Variants in CSMD1 observed in about 807,000 individuals in gnomAD.
CSMD1 encodes CUB and sushi domain-containing protein 1.
A neutral mutation model predicts 417.5 loss-of-function variants in CSMD1; 213 were observed. The ratio of observed to expected loss-of-function variants is 0.51; its 90% CI spans 0.46 to 0.57. The LOEUF (loss-of-function observed/expected upper bound fraction) is 0.57. Among genes scored for constraint, CSMD1 ranks in the 20% least tolerant of loss-of-function variants. The pLI, the probability that CSMD1 is intolerant of heterozygous loss-of-function variation, is 0.00. For missense variants in CSMD1, 6,923 were observed against 4,529.7 expected, an observed-to-expected ratio of 1.53 and a Z score of -15.17; for synonymous variants, 2,862 against 1,736.8, an observed-to-expected ratio of 1.65 and a Z score of -16.11.
chr8:4,452,023 C>A (rs960255800), intron 2 of CSMD1, among the ~76,000 whole-genome samples: 1 of 151,224 alleles, frequency 6.6e-6, no homozygotes, highest in African/African-American at 2.4e-5. Flanking sequence ...CTTTAGGCAG[C>A]CTGCCTTCTC....
At chr8:4,833,710 G>A (rs1198876259) in intron 1 of CSMD1, among the ~76,000 whole-genome samples, 1 of 152,078 alleles carries the variant, frequency 6.6e-6, no homozygotes, top group Non-Finnish European at 1.5e-5. Flanking sequence ...GTGGAAGGAG[G>A]GTGACTCTTC....
chr8:4,944,925 T>C (rs1045361919), intron 1 of CSMD1, among the ~76,000 whole-genome samples: 2 of 152,090 alleles, frequency 1.3e-5, no homozygotes, highest in South Asian at 2.1e-4. Context: ...ACAGTCGACA[T>C]CAGGGTCTCA....
intron 2 of CSMD1, among the ~76,000 whole-genome samples, chr8:4,503,414 T>A (rs542271737): frequency 2.9e-4 from 44 of 152,248 alleles, no homozygotes; most frequent in Non-Finnish European, 4.3e-4. Context: ...ATAAAATAAG[T>A]CGAGAAAATA....
intron 1 of CSMD1, among the ~76,000 whole-genome samples, chr8:4,831,424 T>A (rs1013984591): frequency 2.0e-5 from 3 of 152,198 alleles, no homozygotes; most frequent in Admixed American, 1.3e-4. Context: ...TAACTACAAA[T>A]ATCCATATGC....
At chr8:3,805,949 G>T (rs10102521) in intron 5 of CSMD1, among the ~76,000 whole-genome samples, 49,204 of 151,818 alleles carry the variant, frequency 0.32, 8,363 homozygotes, top group East Asian at 0.41. Context: ...GCTCTTGAAA[G>T]GCTCCTTCTT....
intron 5 of CSMD1, among the ~76,000 whole-genome samples, chr8:3,865,048 A>G (rs1347086112): frequency 6.6e-6 from 1 of 152,074 alleles, no homozygotes; most frequent in Non-Finnish European, 1.5e-5. Context: ...ACATGCTTTG[A>G]TTCTATTTCT....
chr8:3,726,511 A>C (rs558997415), intron 6 of CSMD1, among the ~76,000 whole-genome samples: 1 of 152,304 alleles, frequency 6.6e-6, no homozygotes, highest in East Asian at 1.9e-4. Context: ...GCCAACTCTG[A>C]ACACCTTTAT....
intron 10 of CSMD1, among the ~76,000 whole-genome samples, chr8:3,542,433 T>A (rs1286606570): frequency 1.3e-5 from 2 of 152,198 alleles, no homozygotes; most frequent in East Asian, 3.9e-4. Context: ...CGATTGGATG[T>A]GCGTTAGGGA....
At chr8:4,408,945 T>C (rs1358563771) in intron 3 of CSMD1, among the ~76,000 whole-genome samples, 2 of 152,222 alleles carry the variant, frequency 1.3e-5, no homozygotes, top group Non-Finnish European at 2.9e-5. Context: ...ATTTACATGT[T>C]GCATTCAAAT....
intron 3 of CSMD1, among the ~76,000 whole-genome samples, chr8:4,206,410 C>G (rs1799984281): frequency 6.6e-6 from 1 of 152,088 alleles, no homozygotes; most frequent in Non-Finnish European, 1.5e-5. Flanking sequence ...TGTTCAGTTC[C>G]CACCTATGAC....
intron 3 of CSMD1, among the ~76,000 whole-genome samples, chr8:4,223,430 G>A (rs1042079796): frequency 4.6e-5 from 7 of 152,234 alleles, no homozygotes; most frequent in Non-Finnish European, 7.3e-5. Context: ...CCAGGGATAC[G>A]TGACGAATAG....
intron 7 of CSMD1, among the ~76,000 whole-genome samples, chr8:3,694,233 A>G (rs1163999687): frequency 2.6e-5 from 4 of 152,060 alleles, no homozygotes; most frequent in Non-Finnish European, 5.9e-5. Context: ...GGGAGGCCAT[A>G]GCTCTGTCAT....
intron 3 of CSMD1, among the ~76,000 whole-genome samples, chr8:4,203,837 T>C (rs980893982): frequency 6.6e-6 from 1 of 152,130 alleles, no homozygotes; most frequent in African/African-American, 2.4e-5. Context: ...TCATGGCTCA[T>C]ACCTGTAATC....
Position 4,071,806 on chromosome 8 carries a change from C to G in CSMD1, c.416-39707G>C, listed in dbSNP as rs78629938. On this transcript the variant is annotated intron_variant, in intron 3 of 69. Coordinates refer to ENST00000635120, the MANE Select transcript of CSMD1 (RefSeq NM_033225.6). ...GGCAGGAAATTAAGTTAGTTGCATT[C>G]AAATGAAAACTTCCTGTTGTGGGGG... is the stretch of plus-strand genomic sequence containing the variant. 2.6e-5 allele frequency among the ~76,000 whole-genome samples: 4 copies of G among 152,162 alleles called. No homozygotes were observed. In the East Asian group the frequency reaches 7.7e-4, roughly 29 times the overall value.
At chr8:2,972,310 A>G (rs190647540) in intron 57 of CSMD1, among the ~76,000 whole-genome samples, 1 of 152,232 alleles carries the variant, frequency 6.6e-6, no homozygotes, top group Admixed American at 6.5e-5. Flanking sequence ...TCAAGTTGGT[A>G]AAATTATTTG....
intron 5 of CSMD1, among the ~76,000 whole-genome samples, chr8:3,996,821 A>T (rs929277143): frequency 1.3e-5 from 2 of 152,228 alleles, no homozygotes; most frequent in Non-Finnish European, 2.9e-5. Flanking sequence ...CATGAATAGG[A>T]ATCATCAGCA....
At chr8:3,376,220 T>G (rs2116745709) in intron 18 of CSMD1, among the ~76,000 whole-genome samples, 1 of 152,106 alleles carries the variant, frequency 6.6e-6, no homozygotes, top group South Asian at 2.1e-4. Flanking sequence ...AAAAATATTT[T>G]AATAACATAA....
At chr8:4,617,599 C>G (rs1004668526) in intron 2 of CSMD1, among the ~76,000 whole-genome samples, 1 of 152,100 alleles carries the variant, frequency 6.6e-6, no homozygotes, top group Non-Finnish European at 1.5e-5. Flanking sequence ...TTTAGAAGCA[C>G]CTGGTTATAA....
At chr8:3,970,474 G>A (rs1412567804) in intron 5 of CSMD1, among the ~76,000 whole-genome samples, 1 of 152,120 alleles carries the variant, frequency 6.6e-6, no homozygotes, top group South Asian at 2.1e-4. Flanking sequence ...CTGTAAACCA[G>A]AAGAAATTAT....
Sources: allele counts gnomAD v4.1 joint callset (sites outside exome capture counted in the v4.1 genomes callset), GRCh38; gene constraint gnomAD v4.1.1; transcripts MANE v1.5; gene names NCBI Gene and HGNC (gene_info 2026-07-23, HGNC 2026-07-21).